The following COL5A2 variants were observed in gnomAD, a reference collection of about 807,000 sequenced individuals.
The protein encoded by COL5A2 is collagen alpha-2(V) chain.
COL5A2 carries 23 observed loss-of-function variants against 208.2 expected under a neutral mutation model. The ratio of observed to expected loss-of-function variants is 0.11; its 90% confidence interval spans 0.08 to 0.16. The LOEUF (loss-of-function observed/expected upper bound fraction) is 0.16. Ranked by LOEUF, COL5A2 falls within the 10% of genes least tolerant of loss-of-function variation. The pLI is 1.00. For missense variants in COL5A2, 1,590 were observed against 1,956.4 expected (o/e 0.81, Z 3.53); for synonymous variants, 625 against 628.5 (o/e 0.99, Z 0.08).
chr2:189,325,147 T>A, the COL5A2 span, among the ~76,000 whole-genome samples: 2 of 150,900 alleles, frequency 1.3e-5, no homozygotes, highest in Non-Finnish European at 3.0e-5. Context: ...AAGGGGAACA[T>A]CACACACTGG....
chr2:189,058,789 C>T, intron 32 of COL5A2, 60 bp downstream of exon 32: 3 of 1,436,364 alleles, frequency 2.1e-6, no homozygotes, highest in East Asian at 4.6e-5. Context: ...TTTTAAAAGA[C>T]ACCTTTTAAA....
the COL5A2 span, among the ~76,000 whole-genome samples, chr2:189,381,308 T>C: frequency 6.6e-6 from 1 of 152,100 alleles, no homozygotes; most frequent in South Asian, 2.1e-4. Context: ...TAAAAAAATC[T>C]TTCATTTTCC....
chr2:189,295,577 T>C, the COL5A2 span, among the ~76,000 whole-genome samples: 16 of 152,168 alleles, frequency 1.1e-4, no homozygotes, highest in Non-Finnish European at 2.1e-4. Context: ...ATCACACCAC[T>C]GCACTCCAGC....
At chr2:189,319,084 G>C in the COL5A2 span, among the ~76,000 whole-genome samples, 1 of 152,106 alleles carries the variant, frequency 6.6e-6, no homozygotes, top group East Asian at 1.9e-4. Context: ...AAATAACCTT[G>C]CCTGTTACTG....
At position 189,053,420 on chromosome 2, in the gene COL5A2, A is replaced by T. The variant is rs1685833532; in HGVS notation, c.2553+4T>A. On this transcript the variant is annotated splice_donor_region_variant and intron_variant, in intron 38 of 53. Transcript: ENST00000374866. The stretch of plus-strand genomic sequence containing the variant: ...TGTAAATTAGGGATATTTGAAAATT[A>T]TACCTGGGGTCCGGCAAAACCAACA... 1.2e-6 allele frequency: 2 copies of T among 1,612,710 alleles called. No individual in the cohort carries two copies. The highest frequency in any genetic ancestry group is 8.5e-7 in the Non-Finnish European group (1 of 1,178,770).
At chr2:189,159,176 C>T (rs1331045830) in intron 1 of COL5A2, among the ~76,000 whole-genome samples, 2 of 152,156 alleles carry the variant, frequency 1.3e-5, no homozygotes, top group South Asian at 2.1e-4. Flanking sequence ...AGCAAACAAA[C>T]ATTTTCATTA....
the COL5A2 span, among the ~76,000 whole-genome samples, chr2:189,306,663 C>T: frequency 6.6e-6 from 1 of 152,192 alleles, no homozygotes; most frequent in Non-Finnish European, 1.5e-5. Flanking sequence ...CAACAAGTCA[C>T]CATGCTTAAT....
At chr2:189,321,685 C>T in the COL5A2 span, among the ~76,000 whole-genome samples, 3 of 151,582 alleles carry the variant, frequency 2.0e-5, no homozygotes, top group Non-Finnish European at 4.4e-5. Flanking sequence ...AGACTTGCTA[C>T]TTAGACCTAC....
chr2:189,404,514 T>C, the COL5A2 span, among the ~76,000 whole-genome samples: 2 of 152,228 alleles, frequency 1.3e-5, no homozygotes, highest in Admixed American at 1.3e-4. Flanking sequence ...CACCATTCGC[T>C]CCCCTGGTTA....
chr2:189,149,607 T>C (rs552047187), intron 1 of COL5A2, among the ~76,000 whole-genome samples: 156 of 152,330 alleles, frequency 1.0e-3, no homozygotes, highest in Non-Finnish European at 1.7e-3. Flanking sequence ...AGGTTAATTA[T>C]AAAATTAAAT....
intron 1 of COL5A2, among the ~76,000 whole-genome samples, chr2:189,136,535 TATC>T (rs1396602638): frequency 6.7e-6 from 1 of 150,142 alleles, no homozygotes; most frequent in African/African-American, 2.4e-5. Flanking sequence ...TATATAAAAA[TATC>T]ATACATGTAT....
intron 1 of COL5A2, among the ~76,000 whole-genome samples, chr2:189,193,987 G>C (rs1440170891): frequency 1.3e-5 from 2 of 152,066 alleles, no homozygotes; most frequent in African/African-American, 4.8e-5. Flanking sequence ...TTCAGTAAAC[G>C]CAGTTATTTT....
At chr2:189,047,388 T>G (rs890947941) in intron 45 of COL5A2, among the ~76,000 whole-genome samples, 18 of 152,226 alleles carry the variant, frequency 1.2e-4, no homozygotes, top group Non-Finnish European at 2.6e-4. Context: ...TAGCCCAAGC[T>G]TCCTCCAAAT....
At position 189,110,073 on chromosome 2, in the gene COL5A2, G is replaced by C. The variant is rs535353723; in HGVS notation, c.322+152C>G. ...GCTTCTATCTAACTTTAGATGAAGT[G>C]AGTGAGCAAAATCATTAATCATTAA... On this transcript the variant is annotated intron_variant, in intron 2 of 53. Transcript: ENST00000374866. The C allele has an allele frequency of 8.0e-5, 54 of 675,928 alleles. 1 individual carries two copies. The South Asian group carries it at 8.3e-4, about 10-fold the overall frequency. 41.9% of individuals were successfully genotyped at this position (675,928 alleles called of 1,614,324 possible). A position where few individuals can be genotyped will look rare whatever the true frequency, so the allele number is the denominator to read the frequency against.
the COL5A2 span, among the ~76,000 whole-genome samples, chr2:189,247,999 C>G: frequency 6.6e-6 from 1 of 152,180 alleles, no homozygotes; most frequent in Non-Finnish European, 1.5e-5. Flanking sequence ...AATACATGTT[C>G]TAATTTTTCT....
chr2:189,336,827 A>G, the COL5A2 span, among the ~76,000 whole-genome samples: 169 of 152,270 alleles, frequency 1.1e-3, no homozygotes, highest in African/African-American at 3.7e-3. Flanking sequence ...TAAACTTAAG[A>G]CCTTTCACAT....
chr2:189,378,679 A>C, the COL5A2 span, among the ~76,000 whole-genome samples: 1 of 151,394 alleles, frequency 6.6e-6, no homozygotes, highest in African/African-American at 2.4e-5. Flanking sequence ...AGCAGAGATC[A>C]CGCCACTGCA....
At chr2:189,324,228 G>A in the COL5A2 span, among the ~76,000 whole-genome samples, 3 of 152,218 alleles carry the variant, frequency 2.0e-5, no homozygotes, top group South Asian at 6.2e-4. Flanking sequence ...GAAAATCTAG[G>A]CAATACCACT....
chr2:189,114,468 G>T (rs1175303902), intron 1 of COL5A2, among the ~76,000 whole-genome samples: 3 of 152,002 alleles, frequency 2.0e-5, no homozygotes, highest in Non-Finnish European at 2.9e-5. Flanking sequence ...TTGCAGTAAA[G>T]TTGTCATAAT....
Sources: gnomAD v4.1 joint callset for allele counts (sites outside exome capture counted in the v4.1 genomes callset) on GRCh38, gnomAD v4.1.1 for gene constraint, MANE v1.5 for transcripts, NCBI Gene and HGNC (gene_info 2026-07-23, HGNC 2026-07-21) for gene names.